The following PALS1 variants were observed in gnomAD, a reference collection of about 807,000 sequenced individuals.
PALS1 encodes the protein protein PALS1.
A neutral mutation model predicts 78.9 loss-of-function variants in PALS1; 31 were observed. That is an observed-to-expected ratio of 0.39 (90% CI 0.30 to 0.53). The LOEUF (loss-of-function observed/expected upper bound fraction) is 0.53, where lower values mean the gene tolerates loss of function less well. Among genes scored for constraint, PALS1 ranks in the 20% least tolerant of loss-of-function variants. The pLI, the probability that PALS1 is intolerant of heterozygous loss-of-function variation, is 0.67. For missense variants in PALS1, 704 were observed against 826.5 expected (o/e 0.85, Z 1.82); for synonymous variants, 276 against 270.9 (o/e 1.02, Z -0.18).
At chr14:67,265,811 C>G (rs528338131) in intron 1 of PALS1, among the ~76,000 whole-genome samples, 1 of 144,116 alleles carries the variant, frequency 6.9e-6, no homozygotes, top group East Asian at 2.1e-4. Flanking sequence ...GAGCCAAAAT[C>G]GCGCCACTGC....
chr14:67,283,017 ATTG>A (rs1246253394), intron 3 of PALS1, among the ~76,000 whole-genome samples: 4 of 152,124 alleles, frequency 2.6e-5, no homozygotes, highest in South Asian at 4.1e-4. Context: ...TGACTATAAA[ATTG>A]TTGTCTTTGA....
At position 67,279,148 on chromosome 14, in the gene PALS1, G is replaced by A. The variant is rs1040012559; in HGVS notation, c.-23G>A. The A allele has an allele frequency of 5.9e-6, 9 of 1,520,788 alleles. No individual in the cohort carries two copies. The African/African-American group carries it at 8.4e-5, about 14-fold the overall frequency. The allele number at this position is 1,520,788 out of a possible 1,614,324, so 94.2% of individuals were successfully genotyped here. ...TAGGAAAAATTGATTTATAAAAAGT[G>A]GTACAGGTTTTCATAGATAACCATG... On this transcript the variant is annotated 5_prime_UTR_variant, in exon 3 of 15. Coordinates refer to ENST00000261681, the MANE Select transcript of PALS1 (RefSeq NM_022474.4).
Position 67,312,657 on chromosome 14 carries a change from A to C in PALS1, c.1172A>C (p.Gln391Pro). ...VISQEDPNWW[Q>P]AYREGDEDNQ... ...AGTCAAGAAGATCCAAACTGGTGGC[A>C]GGCCTACAGGGAAGGGGACGAAGAT... Residue 391 changes from glutamine to proline, a missense_variant, in exon 9 of 15, where the codon CAG becomes CCG. Gln to Pro is a moderately conservative substitution (Grantham distance 76). Coordinates refer to ENST00000261681, the MANE Select transcript of PALS1 (RefSeq NM_022474.4). 6.2e-7 allele frequency: 1 copy of C among 1,613,348 alleles called. No individual in the cohort carries two copies. The highest frequency in any genetic ancestry group is 1.1e-5 in the South Asian group (1 of 90,942).
chr14:67,276,281 T>C (rs1307986396), intron 2 of PALS1, among the ~76,000 whole-genome samples: 2 of 152,212 alleles, frequency 1.3e-5, no homozygotes, highest in African/African-American at 4.8e-5. Flanking sequence ...ATGTTCCCAT[T>C]GTCCCATCCA....
chr14:67,267,531 A>G (rs540059701), intron 1 of PALS1, among the ~76,000 whole-genome samples: 1 of 152,270 alleles, frequency 6.6e-6, no homozygotes, highest in Non-Finnish European at 1.5e-5. Flanking sequence ...GATTATAGGC[A>G]TGAGCCACTG....
chr14:67,333,866 A>G lies in PALS1; in HGVS notation c.*910A>G, dbSNP rs1191548079. On this transcript the variant is annotated 3_prime_UTR_variant, in exon 15 of 15. Transcript: ENST00000261681. ...AATAGTTTTTTGTATACATGGGAGG[A>G]TAGCACATTTGACAGTTTTTGCATT... The G allele has an allele frequency of 1.3e-5, 2 of 152,596 alleles. No individual in the cohort carries two copies. The highest frequency in any genetic ancestry group is 4.8e-5 in the African/African-American group (2 of 41,448). 9.5% of individuals were successfully genotyped at this position (152,596 alleles called of 1,614,324 possible).
intron 2 of PALS1, among the ~76,000 whole-genome samples, chr14:67,273,564 A>G (rs2084449364): frequency 6.6e-6 from 1 of 152,180 alleles, no homozygotes; most frequent in African/African-American, 2.4e-5. Context: ...GCTATTGTGA[A>G]TAGTGCCGCA....
rs145981386 is a variant in PALS1 at position 67,317,427 on chromosome 14, G to A, written c.1317G>A (p.Lys439=). The change falls in exon 11 of 15, where the codon AAG becomes AAA. Residue 439 remains lysine, a synonymous_variant. Transcript: ENST00000261681. ...PEKSGKLWCA[K]KNKKKRKKVL... is the part of the protein sequence containing the mutation. The stretch of plus-strand genomic sequence containing the variant: ...CAACAGGAAAACTGTGGTGTGCAAA[G>A]AAGAATAAAAAGAAGAGGAAAAAGG... The A allele has an allele frequency of 6.2e-7, 1 of 1,612,036 alleles. No individual in the cohort carries two copies. The highest frequency in any genetic ancestry group is 1.3e-5 in the African/African-American group (1 of 74,832).
At chr14:67,300,157 T>C (rs2084911812) in intron 4 of PALS1, among the ~76,000 whole-genome samples, 1 of 152,190 alleles carries the variant, frequency 6.6e-6, no homozygotes, top group South Asian at 2.1e-4. Context: ...ATTTTCTAAG[T>C]ACCAAAACCT....
chr14:67,244,059 G>C (rs1161705531), intron 1 of PALS1, among the ~76,000 whole-genome samples: 1 of 152,156 alleles, frequency 6.6e-6, no homozygotes, highest in Admixed American at 6.5e-5. Flanking sequence ...AAACCAATAA[G>C]TTGCCTTTTC....
chr14:67,318,722 T>G (rs1055772207), intron 11 of PALS1, among the ~76,000 whole-genome samples: 2 of 152,222 alleles, frequency 1.3e-5, no homozygotes, highest in Non-Finnish European at 2.9e-5. Flanking sequence ...TATATGATGT[T>G]GTTCTCACAA....
chr14:67,246,709 G>A (rs1172415759), intron 1 of PALS1, among the ~76,000 whole-genome samples: 1 of 138,172 alleles, frequency 7.2e-6, no homozygotes, highest in East Asian at 2.2e-4. Context: ...GGAGTGCAGT[G>A]GCACGATATC....
chr14:67,309,306 A>G (rs1295231883), intron 8 of PALS1, among the ~76,000 whole-genome samples: 3 of 152,222 alleles, frequency 2.0e-5, no homozygotes, highest in African/African-American at 7.2e-5. Context: ...AGTGGAATAT[A>G]TGGATAAAAG....
At position 67,302,061 on chromosome 14, in the gene PALS1, G is replaced by A; in HGVS notation, c.744G>A (p.Gln248=). ...AGAGAGTTTATGAAAGTATTGGCCA[G>A]TATGGAGGAGAAACTGTAAAAATAG... ...TDERVYESIG[Q]YGGETVKIVR... Residue 248 remains glutamine, a synonymous_variant, in exon 6 of 15, where the codon CAG becomes CAA. Transcript: ENST00000261681. 1 of 1,608,816 alleles carries A rather than the reference G, an allele frequency of 6.2e-7. No individual in the cohort carries two copies. The highest frequency in any genetic ancestry group is 1.1e-5 in the South Asian group (1 of 90,434).
intron 1 of PALS1, among the ~76,000 whole-genome samples, chr14:67,265,873 G>GA (rs1373296373): frequency 2.0e-5 from 3 of 149,752 alleles, no homozygotes; most frequent in South Asian, 4.2e-4. Context: ...AAAAAAAAAG[G>GA]AAAAAAGAAA....
At chr14:67,314,530 A>G (rs2085139784) in intron 9 of PALS1, among the ~76,000 whole-genome samples, 1 of 152,204 alleles carries the variant, frequency 6.6e-6, no homozygotes, top group Non-Finnish European at 1.5e-5. Context: ...CTTCAGAGTA[A>G]CAGTTACAGG....
chr14:67,308,053 G>A (rs1326711954), intron 8 of PALS1, among the ~76,000 whole-genome samples: 2 of 151,988 alleles, frequency 1.3e-5, no homozygotes, highest in Non-Finnish European at 2.9e-5. Flanking sequence ...ACATAAAGGG[G>A]AACAACACAC....
At chr14:67,285,399 C>T (rs1326384298) in intron 3 of PALS1, among the ~76,000 whole-genome samples, 1 of 144,422 alleles carries the variant, frequency 6.9e-6, no homozygotes, top group Non-Finnish European at 1.5e-5. Flanking sequence ...CGGAGTCTCG[C>T]TCTGTCGCCC....
chr14:67,283,124 G>C (rs2084627454), intron 3 of PALS1, among the ~76,000 whole-genome samples: 1 of 152,028 alleles, frequency 6.6e-6, no homozygotes, highest in African/African-American at 2.4e-5. Flanking sequence ...TGTGATTAGG[G>C]GCTTTCTAAT....
Sources: gnomAD v4.1 joint callset for allele counts (sites outside exome capture counted in the v4.1 genomes callset) on GRCh38, gnomAD v4.1.1 for gene constraint, MANE v1.5 for transcripts, NCBI Gene and HGNC (gene_info 2026-07-23, HGNC 2026-07-21) for gene names.